Variants in DNAH17 observed in about 807,000 individuals in gnomAD.
DNAH17 encodes dynein axonemal heavy chain 17.
In DNAH17, 376 loss-of-function variants were observed where a neutral mutation model predicts 485.6. That is an observed-to-expected ratio of 0.77 (90% confidence interval 0.71 to 0.84). DNAH17 has a LOEUF of 0.84. DNAH17 is among the 40% of genes least tolerant of loss of function. The probability of loss-of-function intolerance (pLI) is 0.00; values close to 1 mark genes in which losing one functional copy is unlikely to be tolerated. For synonymous variants in DNAH17, 3,031 were observed against 2,405.9 expected (o/e 1.26, Z -7.60); for missense variants, 6,370 against 5,839.3 (o/e 1.09, Z -2.96).
chr17:78,454,886 C>T (rs957833005), intron 63 of DNAH17, among the ~76,000 whole-genome samples, 181 bp from the exon 64 acceptor site: 20 of 151,878 alleles, frequency 1.3e-4, no homozygotes, highest in African/African-American at 4.1e-4. Flanking sequence ...CGGCCAGAAA[C>T]GATGTCAGCA....
At position 78,561,997 on chromosome 17, in the gene DNAH17, A is replaced by G. The variant is rs1555695761; in HGVS notation, c.1570-17T>C. ...GTACAGGAGCTGAGGACAAAGGAGA[A>G]GGGGGCCTCTTCACCACAGTCTCCT... is the stretch of plus-strand genomic sequence containing the variant. On this transcript the variant is annotated splice_polypyrimidine_tract_variant and intron_variant, in intron 11 of 80. Coordinates refer to ENST00000389840, the MANE Select transcript of DNAH17 (RefSeq NM_173628.4). 12 of 1,557,590 alleles carry G rather than the reference A, an allele frequency of 7.7e-6. No homozygotes were observed. Among genetic ancestry groups the G allele is most frequent in the Non-Finnish European group, 1.0e-5 (12 of 1,152,796 alleles).
intron 54 of DNAH17, among the ~76,000 whole-genome samples, chr17:78,473,543 C>CAAAAAAAA (rs758795883): frequency 1.3e-3 from 73 of 55,354 alleles, no homozygotes; most frequent in African/African-American, 2.9e-3. Flanking sequence ...GACTCTGTCT[C>CAAAAAAAA]AAAAAAAAAA....
intron 16 of DNAH17, 123 bp from the exon 17 acceptor site, chr17:78,544,120 G>A: frequency 7.3e-7 from 1 of 1,375,924 alleles, no homozygotes; most frequent in Non-Finnish European, 1.0e-6. Context: ...TTGGAGTCTA[G>A]TTCTCCACGA....
At chr17:78,501,031 C>A (rs1354335295) in intron 35 of DNAH17, 153 bp downstream of exon 35, 1 of 849,820 alleles carries the variant, frequency 1.2e-6, no homozygotes, top group South Asian at 2.7e-5. Context: ...AACAAGGACA[C>A]AGTGGTAGAA....
intron 17 of DNAH17, 126 bp from the exon 18 acceptor site, chr17:78,540,006 G>A: frequency 2.1e-6 from 2 of 959,830 alleles, no homozygotes; most frequent in East Asian, 3.1e-5. Context: ...GCTGCTTTGA[G>A]CATCTTGCTG....
intron 16 of DNAH17, among the ~76,000 whole-genome samples, chr17:78,547,163 T>C (rs1043544194): frequency 1.3e-5 from 2 of 152,244 alleles, no homozygotes; most frequent in African/African-American, 4.8e-5. Context: ...AGCTCATTGC[T>C]AGTCTTTTTA....
chr17:78,516,205 A>G (rs1195379798), intron 25 of DNAH17, among the ~76,000 whole-genome samples: 2 of 152,320 alleles, frequency 1.3e-5, no homozygotes, highest in African/African-American at 2.4e-5. Context: ...CCTGCATCCT[A>G]TTATCATAAA....
intron 31 of DNAH17, among the ~76,000 whole-genome samples, chr17:78,505,009 G>A (rs1291568353): frequency 7.1e-6 from 1 of 141,566 alleles, no homozygotes; most frequent in Non-Finnish European, 1.5e-5. Flanking sequence ...GGGTTCAAGC[G>A]ATTCTCCTGC....
At chr17:78,548,169 C>CTCA (rs1043516492) in intron 16 of DNAH17, among the ~76,000 whole-genome samples, 6 of 142,534 alleles carry the variant, frequency 4.2e-5, no homozygotes, top group African/African-American at 1.6e-4. Flanking sequence ...GTTCTTAGTT[C>CTCA]TCATTCTGTT....
At chr17:78,463,329 C>T (rs777167879) in intron 56 of DNAH17, among the ~76,000 whole-genome samples, 3 of 152,260 alleles carry the variant, frequency 2.0e-5, no homozygotes, top group Non-Finnish European at 2.9e-5. Flanking sequence ...GACACACAGA[C>T]GCATACATGC....
At position 78,501,178 on chromosome 17, in the gene DNAH17, C is replaced by A; in HGVS notation, c.5483+6G>T. 1 of 1,570,598 alleles carries A rather than the reference C, an allele frequency of 6.4e-7. No individual in the cohort carries two copies. Among genetic ancestry groups the A allele is most frequent in the Non-Finnish European group, 8.7e-7 (1 of 1,149,270 alleles). On this transcript the variant is annotated splice_donor_region_variant and intron_variant, in intron 35 of 80. Transcript: ENST00000389840. The stretch of plus-strand genomic sequence containing the variant: ...CACATGTGAGTTACTCAGGGACGGG[C>A]CTCACCTGTCAGTGAGTGGGGTGAT...
At chr17:78,501,691 C>T (rs1388485760) in intron 34 of DNAH17, 51 bp downstream of exon 34, 2 of 1,596,498 alleles carry the variant, frequency 1.3e-6, no homozygotes, top group Non-Finnish European at 1.7e-6. Flanking sequence ...CTGCCCTGAA[C>T]CCGGTGTCCC....
rs71160296 is a variant in DNAH17 at position 78,440,244 on chromosome 17, C to CTT, written c.11677+805_11677+806dup. Among the ~76,000 whole-genome samples the CTT allele has an allele frequency of 7.4e-4, 30 of 40,338 alleles. 4 individuals are homozygous for CTT. Among genetic ancestry groups the CTT allele is most frequent in the South Asian group, 2.7e-3 (2 of 748 alleles). The allele number at this position is 40,338 out of a possible 152,430, so 26.5% of individuals were successfully genotyped here. A position where few individuals can be genotyped will look rare whatever the true frequency, so the allele number is the denominator to read the frequency against. On this transcript the variant is annotated intron_variant, in intron 72 of 80. Transcript: ENST00000389840. ...GCCACTGCACCTGGCCGACTTCATGCTTTTTTTTTTTTTTTTTTTTTTTTT... is the reference window on the plus strand; with the variant it reads ...GCCACTGCACCTGGCCGACTTCATGCTTTTTTTTTTTTTTTTTTTTTTTTTTT...
At position 78,460,218 on chromosome 17, in the gene DNAH17, C is replaced by T; in HGVS notation, c.9379G>A (p.Ala3127Thr). 6.2e-7 allele frequency: 1 copy of T among 1,607,282 alleles called. No homozygotes were observed. The highest frequency in any genetic ancestry group is 8.5e-7 in the Non-Finnish European group (1 of 1,176,388). ...GCCAGCAGGGCCGGTTCTGCTTTGGCCAGGTCTGTTTCACAGGCCTTTTGC... is the reference window on the plus strand; with the variant it reads ...GCCAGCAGGGCCGGTTCTGCTTTGGTCAGGTCTGTTTCACAGGCCTTTTGC... Reference protein sequence around the residue: ...EKQKACETDLAKAEPALLAAQ... With the variant: ...EKQKACETDLTKAEPALLAAQ... Residue 3127 changes from alanine to threonine, a missense_variant, in exon 59 of 81, where the codon GCC becomes ACC. Ala to Thr is a moderately conservative substitution (Grantham distance 58). Transcript: ENST00000389840.
At chr17:78,458,782 A>T in intron 61 of DNAH17, 102 bp from the exon 62 acceptor site, 1 of 1,183,362 alleles carries the variant, frequency 8.5e-7, no homozygotes, top group South Asian at 1.3e-5. Flanking sequence ...AGCGTGGAAG[A>T]GGCTCCCACA....
At chr17:78,480,361 AAAC>A (rs1020742078) in intron 49 of DNAH17, among the ~76,000 whole-genome samples, 11 of 152,008 alleles carry the variant, frequency 7.2e-5, no homozygotes, top group Non-Finnish European at 1.5e-4. Context: ...AACAAAAACA[AAAC>A]AACAAAAAAA....
In DNAH17 at chr17:78,543,879, A is replaced by G. The variant is rs773484826; in HGVS notation, c.2510T>C (p.Val837Ala). 6.2e-7 allele frequency: 1 copy of G among 1,613,856 alleles called. No individual in the cohort carries two copies. Among genetic ancestry groups the G allele is most frequent in the Non-Finnish European group, 8.5e-7 (1 of 1,179,862 alleles). Residue 837 changes from valine to alanine, a missense_variant, in exon 17 of 81, where the codon GTG (valine) becomes GCG (alanine). Coordinates refer to ENST00000389840, the MANE Select transcript of DNAH17 (RefSeq NM_173628.4). Reference protein sequence around the residue: ...KRYAAVRDAGVKIQAMVAENA... With the variant: ...KRYAAVRDAGAKIQAMVAENA... ...TACTGCAACCATGGCTTGGATCTTCACTCCAGCATCCCTGACTGCTGCGTA... is the reference window on the plus strand; with the variant it reads ...TACTGCAACCATGGCTTGGATCTTCGCTCCAGCATCCCTGACTGCTGCGTA...
intron 25 of DNAH17, among the ~76,000 whole-genome samples, chr17:78,518,175 C>T (rs1456496492): frequency 2.0e-5 from 3 of 152,120 alleles, no homozygotes; most frequent in Non-Finnish European, 2.9e-5. Flanking sequence ...ATGGTCTAAA[C>T]AGATCAATTA....
At chr17:78,503,239 G>A (rs2090365081) in intron 31 of DNAH17, among the ~76,000 whole-genome samples, 1 of 134,086 alleles carries the variant, frequency 7.5e-6, no homozygotes, top group African/African-American at 2.8e-5. Context: ...GAGTGCAGTG[G>A]CATGATCTCG....
Sources: allele counts gnomAD v4.1 joint callset (sites outside exome capture counted in the v4.1 genomes callset), GRCh38; gene constraint gnomAD v4.1.1; transcripts MANE v1.5; gene names NCBI Gene and HGNC (gene_info 2026-07-23, HGNC 2026-07-21).